Variants in CTNNA3 observed in about 807,000 individuals in gnomAD.
CTNNA3 encodes catenin alpha-3.
A neutral mutation model predicts 95.7 loss-of-function variants in CTNNA3; 76 were observed. The observed-to-expected ratio is 0.79, with a 90% CI of 0.66 to 0.96. The LOEUF (loss-of-function observed/expected upper bound fraction) is 0.96. Ranked by LOEUF, CTNNA3 falls within the 40% of genes least tolerant of loss-of-function variation. The pLI is 0.00. For synonymous variants in CTNNA3, 431 were observed against 374.4 expected, an observed-to-expected ratio of 1.15 and a Z score of -1.74; for missense variants, 1,191 against 1,089.8, an observed-to-expected ratio of 1.09 and a Z score of -1.31.
chr10:66,878,590 G>T (rs1025528350), intron 7 of CTNNA3, among the ~76,000 whole-genome samples: 1 of 152,024 alleles, frequency 6.6e-6, no homozygotes, highest in South Asian at 2.1e-4. Context: ...GCTGCCCTCT[G>T]CCTGTCCATA....
chr10:66,898,921 A>G (rs1845610091), intron 7 of CTNNA3, among the ~76,000 whole-genome samples: 1 of 152,228 alleles, frequency 6.6e-6, no homozygotes, highest in Non-Finnish European at 1.5e-5. Context: ...ACAGAATGAA[A>G]AGGTAATCTA....
intron 13 of CTNNA3, among the ~76,000 whole-genome samples, chr10:66,237,965 T>C (rs2089935108): frequency 6.6e-6 from 1 of 152,090 alleles, no homozygotes; most frequent in Admixed American, 6.6e-5. Flanking sequence ...TCATTTGCTA[T>C]AAATGATAAA....
In CTNNA3 at chr10:67,382,122, T is replaced by A. The variant is rs965540454; in HGVS notation, c.579+139720A>T. 3.9e-5 allele frequency among the ~76,000 whole-genome samples: 6 copies of A among 152,336 alleles called. No homozygotes were observed. The South Asian group carries it at 1.2e-3, about 32-fold the overall frequency. The stretch of plus-strand genomic sequence containing the variant: ...TTCTAACTTTTTAATTATTTTTAAC[T>A]AAACATAGTTAAGAAATGGAGGTTT... On this transcript the variant is annotated intron_variant, in intron 5 of 17. Transcript: ENST00000433211.
chr10:65,991,103 G>T (rs927223804), intron 15 of CTNNA3, among the ~76,000 whole-genome samples: 1 of 151,540 alleles, frequency 6.6e-6, no homozygotes, highest in African/African-American at 2.4e-5. Context: ...GTTCTTTATT[G>T]GTTCATGTGT....
At chr10:66,741,349 A>C (rs1648898203) in intron 9 of CTNNA3, among the ~76,000 whole-genome samples, 1 of 152,214 alleles carries the variant, frequency 6.6e-6, no homozygotes, top group South Asian at 2.1e-4. Flanking sequence ...TCAAAATACA[A>C]AGTCTAAAGA....
intron 6 of CTNNA3, among the ~76,000 whole-genome samples, chr10:67,210,344 A>C (rs114150815): frequency 0.011 from 1,672 of 152,242 alleles, 30 homozygotes; most frequent in African/African-American, 0.038. Flanking sequence ...TCTAGTAAAT[A>C]ATTAAATAGT....
intron 9 of CTNNA3, among the ~76,000 whole-genome samples, chr10:66,643,142 T>C (rs1364463532): frequency 6.6e-6 from 1 of 152,180 alleles, no homozygotes; most frequent in Non-Finnish European, 1.5e-5. Flanking sequence ...TCACACAGTT[T>C]AGTGACTTAA....
At position 66,247,838 on chromosome 10, in the gene CTNNA3, A is replaced by G. The variant is rs369272070; in HGVS notation, c.1884+32632T>C. On this transcript the variant is annotated intron_variant, in intron 13 of 17. Transcript: ENST00000433211. ...CAACACCAGACCCATCCTGCAAGAA[A>G]TTCTACAGGGAGTTCTTCAATCTAA... Among the ~76,000 whole-genome samples, 26 of 152,328 alleles carry G rather than the reference A, an allele frequency of 1.7e-4. No individual in the cohort carries two copies. In the East Asian group the frequency reaches 4.1e-3, roughly 24 times the overall value.
chr10:66,760,036 A>C (rs1839541243), intron 9 of CTNNA3, among the ~76,000 whole-genome samples: 1 of 152,188 alleles, frequency 6.6e-6, no homozygotes. Flanking sequence ...TTTCAAGTTC[A>C]TTATTAAAAC....
At chr10:67,662,851 T>C (rs1840228094) in intron 1 of CTNNA3, among the ~76,000 whole-genome samples, 1 of 152,196 alleles carries the variant, frequency 6.6e-6, no homozygotes, top group Non-Finnish European at 1.5e-5. Flanking sequence ...TTTAATATGG[T>C]ATATATAAGT....
At position 66,107,789 on chromosome 10, in the gene CTNNA3, G is replaced by C. The variant is rs571307437; in HGVS notation, c.1885-4540C>G. On this transcript the variant is annotated intron_variant, in intron 13 of 17. Coordinates refer to ENST00000433211, the MANE Select transcript of CTNNA3 (RefSeq NM_013266.4). ...TTAAAATACAAAAAAGAAATTTGTG[G>C]TTGCTAAATTTTAAAGAAGAGAGAA... is the stretch of plus-strand genomic sequence containing the variant. Among the ~76,000 whole-genome samples, 577 of 151,782 alleles carry C rather than the reference G, an allele frequency of 3.8e-3. 2 individuals are homozygous for C. Among genetic ancestry groups the C allele is most frequent in the Middle Eastern group, 6.8e-3 (2 of 294 alleles).
chr10:67,219,433 CAG>C (rs2132263979), intron 6 of CTNNA3, among the ~76,000 whole-genome samples, 172 bp downstream of exon 6: 1 of 152,274 alleles, frequency 6.6e-6, no homozygotes, highest in East Asian at 1.9e-4. Context: ...AGTTTACTAA[CAG>C]AGTACTTTCC....
intron 17 of CTNNA3, among the ~76,000 whole-genome samples, chr10:65,934,282 C>T (rs2077301309): frequency 6.6e-6 from 1 of 152,134 alleles, no homozygotes; most frequent in Admixed American, 6.5e-5. Context: ...AGATGAGGTT[C>T]CACATTCTAA....
Position 67,060,266 on chromosome 10 carries a change from C to T in CTNNA3, c.1047+120051G>A, listed in dbSNP as rs180764190. Among the ~76,000 whole-genome samples, 380 of 151,986 alleles carry T rather than the reference C, an allele frequency of 2.5e-3. 2 individuals carry two copies. Among genetic ancestry groups the T allele is most frequent in the Non-Finnish European group, 7.5e-4 (51 of 67,970 alleles). ...CTGGGAGGTAGAGGCTGCAGTGAGC[C>T]GAGATTGTGCCACTATACTCCAGCC... On this transcript the variant is annotated intron_variant, in intron 7 of 17. Coordinates refer to ENST00000433211, the MANE Select transcript of CTNNA3 (RefSeq NM_013266.4).
intron 5 of CTNNA3, among the ~76,000 whole-genome samples, chr10:67,326,416 T>A (rs566915037): frequency 6.6e-6 from 1 of 151,526 alleles, no homozygotes; most frequent in South Asian, 2.1e-4. Context: ...TGTAAAGTAG[T>A]TGATGGTAAC....
At chr10:67,289,351 T>C (rs1839737875) in intron 5 of CTNNA3, among the ~76,000 whole-genome samples, 1 of 152,184 alleles carries the variant, frequency 6.6e-6, no homozygotes, top group Non-Finnish European at 1.5e-5. Flanking sequence ...CATCGTTATA[T>C]GCCAGAGCTT....
At chr10:67,454,655 T>C (rs1847106701) in intron 5 of CTNNA3, among the ~76,000 whole-genome samples, 2 of 152,118 alleles carry the variant, frequency 1.3e-5, no homozygotes, top group Admixed American at 6.6e-5. Flanking sequence ...CCTTATTAAA[T>C]GAGGAGTGAA....
chr10:67,009,702 T>G (rs754610719), intron 7 of CTNNA3, among the ~76,000 whole-genome samples: 1 of 152,180 alleles, frequency 6.6e-6, no homozygotes, highest in Non-Finnish European at 1.5e-5. Flanking sequence ...TGGTTGTAGA[T>G]TGAGAGAAAA....
chr10:65,964,818 G>C (rs967919730), intron 17 of CTNNA3, among the ~76,000 whole-genome samples: 2 of 152,112 alleles, frequency 1.3e-5, no homozygotes, highest in Non-Finnish European at 1.5e-5. Context: ...AAGACTGGAT[G>C]TTTAATAAGC....
Sources: gnomAD v4.1 joint callset for allele counts (sites outside exome capture counted in the v4.1 genomes callset) on GRCh38, gnomAD v4.1.1 for gene constraint, MANE v1.5 for transcripts, NCBI Gene and HGNC (gene_info 2026-07-23, HGNC 2026-07-21) for gene names.